Variants in SRGAP3 observed in about 807,000 individuals in gnomAD.
SRGAP3 encodes the protein SLIT-ROBO Rho GTPase-activating protein 3.
In SRGAP3, 39 loss-of-function variants were observed where a neutral mutation model predicts 121.1. That is an observed-to-expected ratio of 0.32 (90% confidence interval 0.25 to 0.42). The LOEUF (loss-of-function observed/expected upper bound fraction) is 0.42. SRGAP3 is among the 10% of genes least tolerant of loss of function. The pLI, the probability that SRGAP3 is intolerant of heterozygous loss-of-function variation, is 1.00. For missense variants in SRGAP3, 1,213 were observed against 1,470.6 expected, an observed-to-expected ratio of 0.82 and a Z score of 2.86; for synonymous variants, 601 against 570.0, an observed-to-expected ratio of 1.05 and a Z score of -0.77.
At chr3:9,205,386 C>T (rs181538319) in intron 1 of SRGAP3, among the ~76,000 whole-genome samples, 2 of 152,338 alleles carry the variant, frequency 1.3e-5, no homozygotes, top group African/African-American at 4.8e-5. Flanking sequence ...ACGTCTCACA[C>T]GGGACTAACC....
chr3:9,248,837 A>G (rs1346557493), intron 1 of SRGAP3, 48 bp downstream of exon 1: 1 of 1,596,658 alleles, frequency 6.3e-7, no homozygotes. Flanking sequence ...AGAACAAGAG[A>G]AAAACGAAAG....
chr3:9,226,556 G>C (rs1952994771), intron 1 of SRGAP3, among the ~76,000 whole-genome samples: 1 of 152,194 alleles, frequency 6.6e-6, no homozygotes, highest in African/African-American at 2.4e-5. Context: ...CCCAGAATCA[G>C]ATTAGGTTTT....
intron 1 of SRGAP3, among the ~76,000 whole-genome samples, chr3:9,152,620 G>A (rs967156530): frequency 2.6e-5 from 4 of 152,320 alleles, no homozygotes; most frequent in Admixed American, 1.3e-4. Flanking sequence ...TGAGAGACGA[G>A]CAGTGTGGCC....
At chr3:9,089,015 C>G (rs1271802004) in intron 3 of SRGAP3, among the ~76,000 whole-genome samples, 4 of 152,054 alleles carry the variant, frequency 2.6e-5, no homozygotes, top group Non-Finnish European at 5.9e-5. Context: ...CCTCTTATCC[C>G]TCTGTGGTCC....
intron 1 of SRGAP3, among the ~76,000 whole-genome samples, chr3:9,179,563 A>G (rs2125116988): frequency 6.6e-6 from 1 of 152,358 alleles, no homozygotes; most frequent in Middle Eastern, 3.4e-3. Context: ...ACATGATAAA[A>G]TAAGAGTAAG....
chr3:9,240,503 C>A (rs560151604), intron 1 of SRGAP3, among the ~76,000 whole-genome samples: 1 of 152,258 alleles, frequency 6.6e-6, no homozygotes, highest in South Asian at 2.1e-4. Context: ...ATCTTTCTTT[C>A]CAAGGTACTA....
At chr3:9,118,469 G>A (rs1948883089) in intron 2 of SRGAP3, among the ~76,000 whole-genome samples, 1 of 152,180 alleles carries the variant, frequency 6.6e-6, no homozygotes, top group Non-Finnish European at 1.5e-5. Flanking sequence ...GCTCAGGAAG[G>A]GCTCAGCTCC....
chr3:9,294,598 C>A (rs1033665627), intron 3 of SRGAP3, among the ~76,000 whole-genome samples: 1 of 151,954 alleles, frequency 6.6e-6, no homozygotes, highest in Non-Finnish European at 1.5e-5. Flanking sequence ...GGAATGACCA[C>A]CACCCACACC....
chr3:9,114,598 G>A (rs149662057), intron 2 of SRGAP3, among the ~76,000 whole-genome samples: 1 of 152,282 alleles, frequency 6.6e-6, no homozygotes, highest in East Asian at 1.9e-4. Flanking sequence ...GTTGGTGTCT[G>A]GTGTCCAGCA....
In SRGAP3 at chr3:9,317,120, G is replaced by A. The variant is rs149117514; in HGVS notation, n.442+8890C>T. ...AAGAAAAAGGGGCCAGCCAGCAGCC[G>A]CGTTCTTCCGAGAGCCTGGGGAGCA... is the stretch of plus-strand genomic sequence containing the variant. On this transcript the variant is annotated intron_variant and non_coding_transcript_variant, in intron 3 of 3. Coordinates refer to the SRGAP3 transcript ENST00000490889. 3.2e-4 allele frequency among the ~76,000 whole-genome samples: 49 copies of A among 152,300 alleles called. 1 individual carries two copies. The East Asian group carries it at 7.3e-3, about 23-fold the overall frequency.
intron 1 of SRGAP3, among the ~76,000 whole-genome samples, chr3:9,165,179 C>T (rs1473039050): frequency 1.3e-5 from 2 of 152,360 alleles, no homozygotes; most frequent in African/African-American, 4.8e-5. Flanking sequence ...CAGTGGAGGC[C>T]TATCTTCCTG....
At chr3:9,053,321 T>A in intron 8 of SRGAP3, 97 bp from the exon 9 acceptor site, 1 of 1,231,762 alleles carries the variant, frequency 8.1e-7, no homozygotes, top group Non-Finnish European at 1.2e-6. Flanking sequence ...TTCTTCCATA[T>A]GAAGTCCCTA....
At chr3:9,038,347 C>T (rs975757785) in intron 10 of SRGAP3, among the ~76,000 whole-genome samples, 13 of 152,314 alleles carry the variant, frequency 8.5e-5, no homozygotes, top group African/African-American at 3.1e-4. Flanking sequence ...AACTACAGCC[C>T]GCTGACCACT....
At chr3:9,047,595 C>T in intron 9 of SRGAP3, 120 bp from the exon 10 acceptor site, 2 of 938,696 alleles carry the variant, frequency 2.1e-6, no homozygotes, top group Non-Finnish European at 3.4e-6. Flanking sequence ...CCGCAGGGAC[C>T]CCGGCGCAGG....
At chr3:9,288,766 G>A (rs1317110355) in intron 3 of SRGAP3, among the ~76,000 whole-genome samples, 3 of 151,420 alleles carry the variant, frequency 2.0e-5, no homozygotes, top group African/African-American at 7.3e-5. Context: ...GTAGAGACAG[G>A]GGTTCCACTA....
intron 1 of SRGAP3, among the ~76,000 whole-genome samples, chr3:9,358,347 T>C (rs1249739550): frequency 6.6e-6 from 1 of 152,170 alleles, no homozygotes; most frequent in Non-Finnish European, 1.5e-5. Context: ...GTATAACACA[T>C]GGTCTTTTGT....
intron 3 of SRGAP3, chr3:9,256,772 C>T: frequency 2.5e-6 from 1 of 398,588 alleles, no homozygotes; most frequent in Non-Finnish European, 4.4e-6. Flanking sequence ...CGCCTGCATT[C>T]TGCCCCTGTG....
chr3:9,261,876 TA>T (rs34047232), intron 3 of SRGAP3, among the ~76,000 whole-genome samples: 17,286 of 120,736 alleles, frequency 0.14, 1,268 homozygotes, highest in African/African-American at 0.2. Context: ...CTCATATATT[TA>T]AAAAAAAAAA....
chr3:9,057,873 G>A (rs902673207), intron 7 of SRGAP3, among the ~76,000 whole-genome samples: 8 of 152,178 alleles, frequency 5.3e-5, no homozygotes, highest in Admixed American at 3.9e-4. Context: ...GGAAGGGAGC[G>A]CCCTGGTGGA....
Sources: allele counts gnomAD v4.1 joint callset (sites outside exome capture counted in the v4.1 genomes callset), GRCh38; gene constraint gnomAD v4.1.1; transcripts MANE v1.5; gene names NCBI Gene and HGNC (gene_info 2026-07-23, HGNC 2026-07-21).